Variants in CCSER2 observed in about 807,000 individuals in gnomAD.
CCSER2 encodes coiled-coil serine rich protein 2.
Under a neutral mutation model 92.3 loss-of-function variants are expected in CCSER2, and 46 were observed. The observed-to-expected ratio is 0.50, with a 90% CI of 0.39 to 0.64. The LOEUF (loss-of-function observed/expected upper bound fraction) is 0.64. Among genes scored for constraint, CCSER2 ranks in the 30% least tolerant of loss-of-function variants. The probability of loss-of-function intolerance (pLI) is 0.00; values close to 1 mark genes in which losing one functional copy is unlikely to be tolerated. For missense variants in CCSER2, 1,244 were observed against 1,238.9 expected (o/e 1.00, Z -0.06); for synonymous variants, 433 against 431.4 (o/e 1.00, Z -0.04).
chr10:84,347,714 G>T (rs1342733747), intron 1 of CCSER2, among the ~76,000 whole-genome samples: 1 of 151,538 alleles, frequency 6.6e-6, no homozygotes. Flanking sequence ...GCGGCTGCTG[G>T]GCGGAGGGGC....
At position 84,471,879 on chromosome 10, in the gene CCSER2, T is replaced by C. The variant is rs549150856; in HGVS notation, c.2235+1421T>C. Among the ~76,000 whole-genome samples the C allele has an allele frequency of 5.1e-4, 78 of 152,118 alleles. No homozygotes were observed. The Middle Eastern group carries it at 0.014, about 27-fold the overall frequency. ...TGGAAAATATTCAGATTAAATAAGT[T>C]TGAGGAAGAACATAAGGAATATGCT... On this transcript the variant is annotated intron_variant, in intron 8 of 9. Coordinates refer to ENST00000372088, the MANE Select transcript of CCSER2 (RefSeq NM_001284240.2).
At chr10:84,427,924 C>T (rs1843526630) in intron 5 of CCSER2, among the ~76,000 whole-genome samples, 1 of 151,964 alleles carries the variant, frequency 6.6e-6, no homozygotes. Flanking sequence ...GGGTTTTTGT[C>T]CTCATTTCTC....
intron 3 of CCSER2, among the ~76,000 whole-genome samples, chr10:84,374,300 T>C (rs897383692): frequency 1.3e-5 from 2 of 152,166 alleles, no homozygotes; most frequent in Non-Finnish European, 2.9e-5. Context: ...TGAGGTAACA[T>C]TGAAGTGCCA....
intron 5 of CCSER2, among the ~76,000 whole-genome samples, chr10:84,435,234 G>C (rs1052174073): frequency 1.8e-4 from 28 of 152,130 alleles, no homozygotes; most frequent in Admixed American, 1.8e-3. Context: ...CTGTCAGATA[G>C]GATTTAAACC....
At chr10:84,332,436 A>ATATATATATAT (rs1401635246) in intron 1 of CCSER2, among the ~76,000 whole-genome samples, 1 of 55,208 alleles carries the variant, frequency 1.8e-5, no homozygotes, top group Admixed American at 3.6e-4. Flanking sequence ...ATATATATAT[A>ATATATATATAT]TTTTTTTTTT....
At chr10:84,401,598 A>C (rs550308081) in intron 3 of CCSER2, among the ~76,000 whole-genome samples, 118 of 152,344 alleles carry the variant, frequency 7.7e-4, no homozygotes, top group Admixed American at 3.5e-3. Flanking sequence ...CAATTTTACC[A>C]AACAATTAAT....
intron 9 of CCSER2, among the ~76,000 whole-genome samples, chr10:84,506,590 G>A (rs759757581): frequency 6.6e-5 from 10 of 152,118 alleles, no homozygotes; most frequent in African/African-American, 2.2e-4. Context: ...TCAGGAGTTC[G>A]AGACCAGTCT....
Position 84,371,130 on chromosome 10 carries a change from A to G in CCSER2, c.78A>G (p.Thr26=), listed in dbSNP as rs1468127238. The G allele has an allele frequency of 3.1e-6, 5 of 1,613,234 alleles. No individual in the cohort carries two copies. Among genetic ancestry groups the G allele is most frequent in the Non-Finnish European group, 4.2e-6 (5 of 1,179,706 alleles). Residue 26 remains threonine (T), a synonymous_variant, in exon 2 of 10, where the codon ACA becomes ACG. Transcript: ENST00000372088. Reference sequence around the variant, plus strand: ...ATGGAACAAAATCTGTAAGAAGTACATTGCAGCCAATGCCAAATGGGACAC... The same window carrying G: ...ATGGAACAAAATCTGTAAGAAGTACGTTGCAGCCAATGCCAAATGGGACAC... ...PKYGTKSVRS[T]LQPMPNGTPV...
intron 9 of CCSER2, among the ~76,000 whole-genome samples, chr10:84,482,842 C>T (rs956064694): frequency 5.9e-5 from 9 of 152,084 alleles, no homozygotes; most frequent in Admixed American, 1.3e-4. Flanking sequence ...ACTGTTGTAT[C>T]GGTATCAGTG....
chr10:84,431,314 T>C (rs1843749107), intron 5 of CCSER2, among the ~76,000 whole-genome samples: 1 of 152,196 alleles, frequency 6.6e-6, no homozygotes, highest in Non-Finnish European at 1.5e-5. Context: ...CTTTTTGCTG[T>C]TTCTACAGTT....
intron 9 of CCSER2, among the ~76,000 whole-genome samples, chr10:84,488,844 T>G (rs1847968564): frequency 6.6e-6 from 1 of 152,220 alleles, no homozygotes; most frequent in South Asian, 2.1e-4. Flanking sequence ...GTGTCAATTT[T>G]AGATCTTTCC....
Position 84,353,579 on chromosome 10 carries a change from G to GTGATT in CCSER2, c.-39-17433_-39-17429dup, listed in dbSNP as rs562013209. Among the ~76,000 whole-genome samples, 10 of 152,322 alleles carry GTGATT rather than the reference G, an allele frequency of 6.6e-5. No homozygotes were observed. The South Asian group carries it at 2.1e-3, about 32-fold the overall frequency. ...CCTGCAGCCCCATTCAGCTGCAGGT[G>GTGATT]TGATTTCCACACCCTTCAGGTTTAG... On this transcript the variant is annotated intron_variant, in intron 1 of 9. Transcript: ENST00000372088.
At chr10:84,471,839 A>G (rs1846820979) in intron 8 of CCSER2, among the ~76,000 whole-genome samples, 1 of 152,104 alleles carries the variant, frequency 6.6e-6, no homozygotes, top group African/African-American at 2.4e-5. Flanking sequence ...TAAAATTTTA[A>G]GTTGCTATTA....
intron 3 of CCSER2, among the ~76,000 whole-genome samples, chr10:84,381,610 C>T (rs529189764): frequency 6.6e-6 from 1 of 152,110 alleles, no homozygotes; most frequent in South Asian, 2.1e-4. Context: ...CCCAGTGAAA[C>T]CTTGGGAGCT....
chr10:84,501,603 C>G (rs1848723713), intron 9 of CCSER2, among the ~76,000 whole-genome samples: 1 of 150,774 alleles, frequency 6.6e-6, no homozygotes, highest in Admixed American at 6.6e-5. Context: ...GATTCAGTGG[C>G]TCTCCATTTT....
At chr10:84,359,350 G>A (rs1845374545) in intron 1 of CCSER2, among the ~76,000 whole-genome samples, 1 of 152,148 alleles carries the variant, frequency 6.6e-6, no homozygotes, top group South Asian at 2.1e-4. Flanking sequence ...TGATTTATGT[G>A]AGGGTCAGGT....
chr10:84,505,864 G>C (rs1359487711), intron 9 of CCSER2, among the ~76,000 whole-genome samples: 3 of 98,858 alleles, frequency 3.0e-5, no homozygotes, highest in South Asian at 3.4e-4. Flanking sequence ...TTTGCAGCTT[G>C]TGGGATTTTT....
chr10:84,348,682 G>A (rs144279680), intron 1 of CCSER2, among the ~76,000 whole-genome samples: 3,179 of 152,194 alleles, frequency 0.021, 57 homozygotes, highest in Non-Finnish European at 0.034. Context: ...GAGTTTAAAG[G>A]AATTTGAATT....
At chr10:84,335,875 A>T (rs547137016) in intron 1 of CCSER2, among the ~76,000 whole-genome samples, 2 of 152,352 alleles carry the variant, frequency 1.3e-5, no homozygotes, top group East Asian at 3.9e-4. Flanking sequence ...GGGACTATTC[A>T]TAATAGCTAT....
Sources: gnomAD v4.1 joint callset for allele counts (sites outside exome capture counted in the v4.1 genomes callset) on GRCh38, gnomAD v4.1.1 for gene constraint, MANE v1.5 for transcripts, NCBI Gene and HGNC (gene_info 2026-07-23, HGNC 2026-07-21) for gene names.